Variants in SYNE1 observed in about 807,000 individuals in gnomAD.
SYNE1 encodes spectrin repeat containing nuclear envelope protein 1, also known as nesprin-1.
A neutral mutation model predicts 1,111.0 loss-of-function variants in SYNE1; 616 were observed. The ratio of observed to expected loss-of-function variants is 0.55; its 90% CI spans 0.52 to 0.59. SYNE1 has a LOEUF of 0.59. Ranked by LOEUF, SYNE1 falls within the 20% of genes least tolerant of loss-of-function variation. SYNE1 has a pLI of 0.00. For synonymous variants in SYNE1, 3,855 were observed against 3,825.8 expected (o/e 1.01, Z -0.28); for missense variants, 10,006 against 10,417.0 (o/e 0.96, Z 1.72).
chr6:152,530,036 T>G (rs1231589185), intron 4 of SYNE1, among the ~76,000 whole-genome samples: 1 of 152,182 alleles, frequency 6.6e-6, no homozygotes, highest in East Asian at 1.9e-4. Context: ...ATAAATATAG[T>G]GTGGCTCAAG....
At chr6:152,531,550 C>T (rs1266450298) in intron 4 of SYNE1, among the ~76,000 whole-genome samples, 1 of 152,174 alleles carries the variant, frequency 6.6e-6, no homozygotes. Flanking sequence ...CTTAAGCATA[C>T]AGTTCAGTAG....
rs552591460 is a variant in SYNE1, at chr6:152,480,028, C to A, written c.1350+3057G>T. On this transcript the variant is annotated intron_variant, in intron 14 of 145. Transcript: ENST00000367255. ...CTTGTTCAAGTTTTCTTGACAAAAA[C>A]CAGAATTACTTTTTAGACCAAGATG... 3.9e-3 allele frequency among the ~76,000 whole-genome samples: 596 copies of A among 152,210 alleles called. 5 individuals carry two copies. The highest frequency in any genetic ancestry group is 0.013 in the African/African-American group (546 of 41,510).
At chr6:152,628,122 G>A (rs948892045) in intron 3 of SYNE1, 143 bp downstream of exon 3, 1 of 867,672 alleles carries the variant, frequency 1.2e-6, no homozygotes, top group South Asian at 1.3e-5. Context: ...GCATGGCCCT[G>A]TTTGAAAACA....
intron 104 of SYNE1, 101 bp downstream of exon 104, chr6:152,254,779 A>T: frequency 1.9e-6 from 2 of 1,054,826 alleles, no homozygotes; most frequent in Non-Finnish European, 2.8e-6. Context: ...TTCATTACGC[A>T]TTTAGAAAAA....
chr6:152,206,696 G>C (rs145752691), intron 125 of SYNE1, among the ~76,000 whole-genome samples: 1 of 152,176 alleles, frequency 6.6e-6, no homozygotes, highest in Non-Finnish European at 1.5e-5. Context: ...TGTGTCTTGC[G>C]AGACATGAAC....
At chr6:152,504,654 A>G (rs1341165024) in intron 9 of SYNE1, among the ~76,000 whole-genome samples, 1 of 152,246 alleles carries the variant, frequency 6.6e-6, no homozygotes. Flanking sequence ...ATAAAAGTTT[A>G]TCAAAGGCAT....
intron 93 of SYNE1, among the ~76,000 whole-genome samples, chr6:152,298,962 T>C (rs1457656722): frequency 6.6e-6 from 1 of 152,198 alleles, no homozygotes; most frequent in Non-Finnish European, 1.5e-5. Context: ...AACAATGCAA[T>C]TTAATTGATG....
In SYNE1 at chr6:152,539,989, TG is replaced by T. The variant is rs1399453825; in HGVS notation, c.99del (p.Phe33LeufsTer25). On this transcript the variant is annotated frameshift_variant, in exon 4 of 146. Coordinates refer to ENST00000367255, the MANE Select transcript of SYNE1 (RefSeq NM_182961.4). LOFTEE classifies it high-confidence loss of function. ...GCCAGATGAGAGTTGATCCATTTTG[TG>T]AAAGTTCGTTTTTGTACTATCTCTT... ...DEQEIVQKRT[F>X]TKWINSHLAK... The T allele has an allele frequency of 6.2e-7, 1 of 1,613,956 alleles. No individual in the cohort carries two copies. Among genetic ancestry groups the T allele is most frequent in the Non-Finnish European group, 8.5e-7 (1 of 1,179,906 alleles).
intron 3 of SYNE1, 35 bp from the exon 4 acceptor site, chr6:152,540,056 A>G (rs757370215): frequency 6.3e-7 from 1 of 1,591,134 alleles, no homozygotes; most frequent in Non-Finnish European, 8.6e-7. Flanking sequence ...AAATAATGTA[A>G]TATTTCATGA....
At chr6:152,249,414 T>C in intron 104 of SYNE1, 152 bp from the exon 105 acceptor site, 1 of 678,974 alleles carries the variant, frequency 1.5e-6, no homozygotes, top group South Asian at 1.6e-5. Context: ...TAAAAGGAAC[T>C]GGTAACAATT....
chr6:152,452,810 C>T (rs897846540), intron 25 of SYNE1, among the ~76,000 whole-genome samples: 1 of 152,220 alleles, frequency 6.6e-6, no homozygotes, highest in African/African-American at 2.4e-5. Flanking sequence ...GGTTCTTCCA[C>T]AGCCCATGAC....
At position 152,302,369 on chromosome 6, in the gene SYNE1, A is replaced by C. The variant is rs1026602918; in HGVS notation, c.17347-306T>G. ...CGAGAGGCCCCATATGGAATCATGA[A>C]CTTCCGCAACATTAGGAACTGACAA... On this transcript the variant is annotated intron_variant, in intron 91 of 145. Coordinates refer to ENST00000367255, the MANE Select transcript of SYNE1 (RefSeq NM_182961.4). 1.0e-5 allele frequency: 5 copies of C among 477,578 alleles called. No individual in the cohort carries two copies. The East Asian group carries it at 1.2e-4, about 12-fold the overall frequency. 29.6% of individuals were successfully genotyped at this position (477,578 alleles called of 1,614,324 possible).
intron 50 of SYNE1, 117 bp from the exon 51 acceptor site, chr6:152,395,788 G>A: frequency 1.8e-6 from 2 of 1,093,402 alleles, no homozygotes; most frequent in African/African-American, 1.6e-5. Flanking sequence ...GAATGTTCAA[G>A]TGACAAAAAC....
chr6:152,430,220 T>C lies in SYNE1; in HGVS notation c.4690-10A>G. ...ACACAGATTGCTGGATCTAAAACATTGGTGCAATATAAAAATAACAGTGGG... is the reference window on the plus strand; with the variant it reads ...ACACAGATTGCTGGATCTAAAACATCGGTGCAATATAAAAATAACAGTGGG... On this transcript the variant is annotated splice_polypyrimidine_tract_variant and intron_variant, in intron 35 of 145. Coordinates refer to ENST00000367255, the MANE Select transcript of SYNE1 (RefSeq NM_182961.4). 1.9e-6 allele frequency: 3 copies of C among 1,585,928 alleles called. No individual in the cohort carries two copies. Among genetic ancestry groups the C allele is most frequent in the Non-Finnish European group, 1.7e-6 (2 of 1,159,624 alleles).
At chr6:152,413,985 A>AATAT (rs3046241) in intron 41 of SYNE1, among the ~76,000 whole-genome samples, 37 of 145,556 alleles carry the variant, frequency 2.5e-4, no homozygotes, top group African/African-American at 8.5e-4. Flanking sequence ...AGCTCTGCAG[A>AATAT]ATATATATAT....
At chr6:152,465,792 C>CACACAG (rs1554757069) in intron 17 of SYNE1, among the ~76,000 whole-genome samples, 190 bp downstream of exon 17, 32 of 151,854 alleles carry the variant, frequency 2.1e-4, no homozygotes, top group African/African-American at 7.7e-4. Flanking sequence ...CACACACACA[C>CACACAG]ACACAATGAT....
chr6:152,206,467 G>T, intron 125 of SYNE1, 105 bp from the exon 126 acceptor site: 1 of 1,255,810 alleles, frequency 8.0e-7, no homozygotes, highest in Non-Finnish European at 1.1e-6. Context: ...CATCCAGCAA[G>T]CATTTACCGT....
At chr6:152,629,292 C>T (rs2099692793) in intron 2 of SYNE1, among the ~76,000 whole-genome samples, 1 of 151,880 alleles carries the variant, frequency 6.6e-6, no homozygotes, top group African/African-American at 2.4e-5. Context: ...GCAAGCTCCA[C>T]TTCCCGGGTT....
intron 62 of SYNE1, among the ~76,000 whole-genome samples, chr6:152,365,670 G>A (rs1442933324): frequency 6.6e-6 from 1 of 150,688 alleles, no homozygotes; most frequent in African/African-American, 2.5e-5. Context: ...TCGATGCCCA[G>A]CCTGGTGTTG....
Sources: gnomAD v4.1 joint callset for allele counts (sites outside exome capture counted in the v4.1 genomes callset) on GRCh38, gnomAD v4.1.1 for gene constraint, MANE v1.5 for transcripts, NCBI Gene and HGNC (gene_info 2026-07-23, HGNC 2026-07-21) for gene names.